MYOM3: variants seen among roughly 807,000 people sequenced by gnomAD.
MYOM3 encodes the protein myomesin-3.
MYOM3 carries 155 observed loss-of-function variants against 191.7 expected under a neutral mutation model. The ratio of observed to expected loss-of-function variants is 0.81; its 90% CI spans 0.71 to 0.92. The LOEUF (loss-of-function observed/expected upper bound fraction) is 0.92, where lower values mean the gene tolerates loss of function less well. Among genes scored for constraint, MYOM3 ranks in the 40% least tolerant of loss-of-function variants. The pLI is 0.00. For synonymous variants in MYOM3, 757 were observed against 762.9 expected (o/e 0.99, Z 0.13); for missense variants, 1,889 against 1,890.6 (o/e 1.00, Z 0.02).
At chr1:24,083,464 G>A (rs952967750) in intron 16 of MYOM3, 1 of 152,752 alleles carries the variant, frequency 6.5e-6, no homozygotes, top group Admixed American at 6.5e-5. Flanking sequence ...TTTGGGACTC[G>A]GACTGGCTTC....
At chr1:24,090,748 G>A in intron 12 of MYOM3, 49 bp downstream of exon 12, 2 of 1,586,786 alleles carry the variant, frequency 1.3e-6, no homozygotes, top group East Asian at 2.2e-5. Context: ...CAGTCCTGAG[G>A]GTTCCCTGAC....
chr1:24,099,620 C>T, intron 6 of MYOM3, 60 bp downstream of exon 6: 2 of 1,361,180 alleles, frequency 1.5e-6, no homozygotes, highest in Non-Finnish European at 1.1e-6. Flanking sequence ...TGGGATCCTG[C>T]TCTGGCCTCG....
At chr1:24,073,869 A>C (rs1643562457) in intron 23 of MYOM3, among the ~76,000 whole-genome samples, 1 of 149,366 alleles carries the variant, frequency 6.7e-6, no homozygotes, top group Non-Finnish European at 1.5e-5. Flanking sequence ...TCTAAAAAAA[A>C]AAAAAAAAAA....
intron 11 of MYOM3, 63 bp from the exon 12 acceptor site, chr1:24,091,059 C>T: frequency 6.4e-7 from 1 of 1,557,944 alleles, no homozygotes; most frequent in Non-Finnish European, 8.8e-7. Flanking sequence ...CAATGTGAGC[C>T]TCTACAAGGG....
rs369440251 is a variant in MYOM3 at position 24,090,859 on chromosome 1, A to T, written c.1370T>A (p.Val457Asp). Residue 457 changes from valine to aspartate, a missense_variant, in exon 12 of 37, where the codon GTC (valine) becomes GAC (aspartate). Coordinates refer to ENST00000374434, the MANE Select transcript of MYOM3 (RefSeq NM_152372.4). ...AACCAACTCTGAGGCCTTGGAGGGG[A>T]CGCTGCTGCCTACCCTGCTGATGGC... ...VRAISRVGSS[V>D]PSKASELVVM... 6.2e-7 allele frequency: 1 copy of T among 1,613,848 alleles called. No individual in the cohort carries two copies. The highest frequency in any genetic ancestry group is 8.5e-7 in the Non-Finnish European group (1 of 1,179,978).
intron 24 of MYOM3, among the ~76,000 whole-genome samples, 196 bp from the exon 25 acceptor site, chr1:24,071,449 G>C (rs1643531204): frequency 6.6e-6 from 1 of 152,194 alleles, no homozygotes; most frequent in South Asian, 2.1e-4. Context: ...TCAGCGAAGC[G>C]TTTCCTCTTC....
intron 25 of MYOM3, among the ~76,000 whole-genome samples, chr1:24,068,724 G>C (rs1445237310): frequency 6.7e-6 from 1 of 149,944 alleles, no homozygotes; most frequent in African/African-American, 2.5e-5. Flanking sequence ...TTTTTTTCTT[G>C]AGACAGTGTC....
At chr1:24,066,868 TG>T in intron 28 of MYOM3, 152 bp downstream of exon 28, 1 of 664,286 alleles carries the variant, frequency 1.5e-6, no homozygotes. Context: ...GGGTTACGTG[TG>T]GTCTCCTCGG....
At chr1:24,093,750 G>A (rs1001753631) in intron 9 of MYOM3, among the ~76,000 whole-genome samples, 1 of 152,136 alleles carries the variant, frequency 6.6e-6, no homozygotes, top group Admixed American at 6.5e-5. Context: ...AGATCTACAC[G>A]TTTGGGAAGA....
intron 25 of MYOM3, among the ~76,000 whole-genome samples, chr1:24,070,083 T>C (rs1224017078): frequency 6.6e-6 from 1 of 152,210 alleles, no homozygotes; most frequent in Non-Finnish European, 1.5e-5. Context: ...TCTACAGATA[T>C]GATTTACAAA....
At chr1:24,106,694 T>C (rs1192598367) in intron 4 of MYOM3, among the ~76,000 whole-genome samples, 5 of 152,190 alleles carry the variant, frequency 3.3e-5, no homozygotes, top group African/African-American at 9.7e-5. Flanking sequence ...GCGATTCTCC[T>C]GCCTCAGCCT....
intron 11 of MYOM3, among the ~76,000 whole-genome samples, chr1:24,091,699 C>T (rs144873023): frequency 3.2e-4 from 48 of 152,322 alleles, no homozygotes; most frequent in East Asian, 2.9e-3. Flanking sequence ...GCCCTTAGCA[C>T]GGTCATGAGC....
chr1:24,078,191 T>G (rs1322470234), intron 20 of MYOM3, among the ~76,000 whole-genome samples: 1 of 151,710 alleles, frequency 6.6e-6, no homozygotes, highest in Admixed American at 6.6e-5. Context: ...CTCGGCTCAC[T>G]GCAACCTCCG....
At chr1:24,081,815 G>A in intron 18 of MYOM3, 186 bp downstream of exon 18, 1 of 634,420 alleles carries the variant, frequency 1.6e-6, no homozygotes, top group Non-Finnish European at 2.7e-6. Context: ...AGCAATCCCA[G>A]CTCAAGCTTG....
intron 20 of MYOM3, among the ~76,000 whole-genome samples, chr1:24,077,645 T>G (rs976696937): frequency 1.3e-5 from 2 of 152,232 alleles, no homozygotes; most frequent in Non-Finnish European, 2.9e-5. Flanking sequence ...TCACGCAGTA[T>G]TGTTATTGCC....
At position 24,075,238 on chromosome 1, in the gene MYOM3, T is replaced by C. The variant is rs1454162445; in HGVS notation, c.2858+81A>G. The C allele has an allele frequency of 2.3e-5, 33 of 1,433,192 alleles. No individual in the cohort carries two copies. In the Admixed American group the frequency reaches 5.7e-4, roughly 25 times the overall value. 88.8% of individuals were successfully genotyped at this position (1,433,192 alleles called of 1,614,324 possible). A position where few individuals can be genotyped will look rare whatever the true frequency, so the allele number is the denominator to read the frequency against. ...ATCATGGATGGGTCCTGCCCTGTGGTCTCAGCCAGGAGCCCCTGCCAGCTC... is the reference window on the plus strand; with the variant it reads ...ATCATGGATGGGTCCTGCCCTGTGGCCTCAGCCAGGAGCCCCTGCCAGCTC... On this transcript the variant is annotated intron_variant, in intron 22 of 36. Transcript: ENST00000374434.
rs763570271 is a variant in MYOM3, at chr1:24,076,200, G to A, written c.2660C>T (p.Pro887Leu). 1.6e-5 allele frequency: 26 copies of A among 1,614,048 alleles called. No homozygotes were observed. Among genetic ancestry groups the A allele is most frequent in the East Asian group, 4.5e-5 (2 of 44,896 alleles). The change falls in exon 21 of 37, where the codon CCG (proline) becomes CTG (leucine). Residue 887 changes from proline to leucine, a missense_variant. Physicochemically the swap from Pro to Leu is moderately conservative, Grantham distance 98 (BLOSUM62 -3). Coordinates refer to ENST00000374434, the MANE Select transcript of MYOM3 (RefSeq NM_152372.4). ...QAMNSAGLGQ[P>L]SMPTDPVLLE... ...GAGCACGGGATCAGTGGGCATGGAC[G>A]GTTGCCCCAGACCAGCTGAATTCAT...
chr1:24,075,385 T>C lies in MYOM3; in HGVS notation c.2792A>G (p.Gln931Arg). 1 of 1,612,592 alleles carries C rather than the reference T, an allele frequency of 6.2e-7. No individual in the cohort carries two copies. The highest frequency in any genetic ancestry group is 8.5e-7 in the Non-Finnish European group (1 of 1,179,656). The change falls in exon 22 of 37, where the codon CAG becomes CGG. Residue 931 changes from glutamine (Q) to arginine (R), a missense_variant. Gln to Arg is a conservative substitution (Grantham distance 43). Transcript: ENST00000374434. ...TGGGCCCTTGTAGTCTTTGGACCAC[T>C]GAAACTCTGAGGAGTCGGGGGCTTC... ...APEAPDSSEF[Q>R]WSKDYKGPLD...
intron 29 of MYOM3, among the ~76,000 whole-genome samples, chr1:24,064,916 G>A (rs973025675): frequency 6.6e-6 from 1 of 152,148 alleles, no homozygotes; most frequent in Non-Finnish European, 1.5e-5. Flanking sequence ...ACCTAGGGTG[G>A]GTGACTGGAG....
Sources: allele counts gnomAD v4.1 joint callset (sites outside exome capture counted in the v4.1 genomes callset), GRCh38; gene constraint gnomAD v4.1.1; transcripts MANE v1.5; gene names NCBI Gene and HGNC (gene_info 2026-07-23, HGNC 2026-07-21).